Variants in RPS6KA5 observed in about 807,000 individuals in gnomAD.
RPS6KA5 encodes the protein ribosomal protein S6 kinase alpha-5.
Under a neutral mutation model 85.5 loss-of-function variants are expected in RPS6KA5, and 27 were observed. The ratio of observed to expected loss-of-function variants is 0.32; its 90% CI spans 0.23 to 0.44. The LOEUF (loss-of-function observed/expected upper bound fraction) is 0.44. Among genes scored for constraint, RPS6KA5 ranks in the 20% least tolerant of loss-of-function variants. RPS6KA5 has a pLI of 1.00. For missense variants in RPS6KA5, 811 were observed against 980.9 expected (o/e 0.83, Z 2.31); for synonymous variants, 334 against 348.2 (o/e 0.96, Z 0.46).
intron 3 of RPS6KA5, among the ~76,000 whole-genome samples, chr14:90,951,437 T>C (rs1208972827): frequency 1.3e-5 from 2 of 151,964 alleles, no homozygotes; most frequent in African/African-American, 4.8e-5. Flanking sequence ...AGTGAGCCAC[T>C]GCACTCCAGC....
chr14:91,035,847 CAAAAAAAAAAAA>C (rs199625173), intron 1 of RPS6KA5, among the ~76,000 whole-genome samples: 867 of 69,310 alleles, frequency 0.013, 3 homozygotes, highest in Non-Finnish European at 0.018. Flanking sequence ...CCCTCACCTT[CAAAAAAAAAAAA>C]AAAAAAAAAA....
chr14:90,948,603 G>A (rs935232428), intron 3 of RPS6KA5, among the ~76,000 whole-genome samples: 1 of 152,062 alleles, frequency 6.6e-6, no homozygotes, highest in Admixed American at 6.5e-5. Flanking sequence ...GCTGAGGCAG[G>A]AGAATGGCAT....
rs1345378126 is a variant in RPS6KA5, at chr14:90,969,684, C to T, written c.394+8622G>A. On this transcript the variant is annotated intron_variant, in intron 3 of 16. Transcript: ENST00000614987. ...TGCTTTCACTCTCCAAACACCCAAA[C>T]ACCTACTTATTTCCAGTAATACTCT... Among the ~76,000 whole-genome samples the T allele has an allele frequency of 2.6e-5, 4 of 152,182 alleles. No individual in the cohort carries two copies. In the East Asian group the frequency reaches 5.8e-4, roughly 22 times the overall value.
rs778160536 is a variant in RPS6KA5, at chr14:90,900,622, C to A, written c.1234G>T (p.Ala412Ser). 2 of 1,613,488 alleles carry A rather than the reference C, an allele frequency of 1.2e-6. No homozygotes were observed. The highest frequency in any genetic ancestry group is 1.7e-5 in the Admixed American group (1 of 59,948). The change falls in exon 10 of 17, where the codon GCA becomes TCA. Residue 412 changes from alanine to serine, a missense_variant. Around this residue, in one of 3 missense-constraint regions of RPS6KA5, gnomAD observed 650 missense variants for 793.4 expected, o/e 0.82. Coordinates refer to ENST00000614987, the MANE Select transcript of RPS6KA5 (RefSeq NM_004755.4). ...CCACATCTATATACCTTCATCATTGCACTCCTGGCAACATTTGTCACTCCA... is the reference window on the plus strand; with the variant it reads ...CCACATCTATATACCTTCATCATTGAACTCCTGGCAACATTTGTCACTCCA... Reference protein sequence around the residue: ...RPGVTNVARSAMMKDSPFYQH... With the variant: ...RPGVTNVARSSMMKDSPFYQH...
intron 12 of RPS6KA5, among the ~76,000 whole-genome samples, chr14:90,894,959 G>A (rs118042758): frequency 6.6e-6 from 1 of 152,276 alleles, no homozygotes; most frequent in Non-Finnish European, 1.5e-5. Context: ...TGGGGCTATA[G>A]GTGTGCAATT....
intron 3 of RPS6KA5, among the ~76,000 whole-genome samples, chr14:90,955,858 T>C (rs1458592021): frequency 6.6e-6 from 1 of 152,218 alleles, no homozygotes; most frequent in Admixed American, 6.5e-5. Flanking sequence ...TTTCTTTCAG[T>C]TTTTGCTTTA....
intron 3 of RPS6KA5, among the ~76,000 whole-genome samples, chr14:90,950,608 T>C (rs1428350220): frequency 6.6e-6 from 1 of 152,228 alleles, no homozygotes; most frequent in Non-Finnish European, 1.5e-5. Flanking sequence ...AGTTGAATTT[T>C]GGCAAATACT....
chr14:91,015,939 C>T (rs1031550657), intron 1 of RPS6KA5, among the ~76,000 whole-genome samples: 12 of 152,184 alleles, frequency 7.9e-5, no homozygotes, highest in Non-Finnish European at 1.6e-4. Context: ...TTTCTTACCT[C>T]ATTCTAACTG....
At chr14:90,912,539 G>T (rs2035883931) in intron 7 of RPS6KA5, among the ~76,000 whole-genome samples, 1 of 152,154 alleles carries the variant, frequency 6.6e-6, no homozygotes, top group African/African-American at 2.4e-5. Flanking sequence ...GGGTTCTGAG[G>T]ATTCCAGAAT....
chr14:90,929,277 C>A (rs2140313920), intron 5 of RPS6KA5, among the ~76,000 whole-genome samples: 1 of 152,040 alleles, frequency 6.6e-6, no homozygotes, highest in East Asian at 1.9e-4. Context: ...TAACCATCCC[C>A]AAACACACAG....
At chr14:90,968,294 TCCTC>T (rs796642520) in intron 3 of RPS6KA5, among the ~76,000 whole-genome samples, 25 of 152,066 alleles carry the variant, frequency 1.6e-4, no homozygotes, top group African/African-American at 5.3e-4. Flanking sequence ...CCCTCCTCTC[TCCTC>T]CCTCCCTCCC....
intron 1 of RPS6KA5, among the ~76,000 whole-genome samples, chr14:91,052,007 C>T (rs892129995): frequency 1.1e-4 from 17 of 151,996 alleles, no homozygotes; most frequent in African/African-American, 3.9e-4. Flanking sequence ...CTTTAATGCT[C>T]GTAAATACTT....
At chr14:90,984,990 G>A (rs1320745686) in intron 2 of RPS6KA5, among the ~76,000 whole-genome samples, 1 of 151,238 alleles carries the variant, frequency 6.6e-6, no homozygotes, top group Admixed American at 6.6e-5. Context: ...GCCCAGGCTG[G>A]AGTGCAATGG....
Position 90,935,645 on chromosome 14 carries a change from T to C in RPS6KA5, c.618+7433A>G, listed in dbSNP as rs1199761257. On this transcript the variant is annotated intron_variant, in intron 5 of 16. Coordinates refer to ENST00000614987, the MANE Select transcript of RPS6KA5 (RefSeq NM_004755.4). ...AATCAATAAATAACATTATCTGAATTGAGCAAGGTTAGATTTTTCTACTTC... is the reference window on the plus strand; with the variant it reads ...AATCAATAAATAACATTATCTGAATCGAGCAAGGTTAGATTTTTCTACTTC... Among the ~76,000 whole-genome samples the C allele has an allele frequency of 3.3e-5, 5 of 152,300 alleles. No homozygotes were observed. In the South Asian group the frequency reaches 8.3e-4, roughly 25 times the overall value.
intron 1 of RPS6KA5, among the ~76,000 whole-genome samples, chr14:91,023,761 G>T (rs7151354): frequency 6.6e-6 from 1 of 151,704 alleles, no homozygotes; most frequent in African/African-American, 2.4e-5. Context: ...CTATCCTTCC[G>T]TTTATAATTT....
chr14:90,909,900 C>T (rs1424668133), intron 7 of RPS6KA5, among the ~76,000 whole-genome samples: 1 of 152,068 alleles, frequency 6.6e-6, no homozygotes, highest in Non-Finnish European at 1.5e-5. Flanking sequence ...CTCAGCTTCC[C>T]GGGTAGCTGG....
intron 14 of RPS6KA5, among the ~76,000 whole-genome samples, chr14:90,880,327 G>T (rs746095749): frequency 6.6e-6 from 1 of 151,976 alleles, no homozygotes; most frequent in Non-Finnish European, 1.5e-5. Flanking sequence ...TTTACTTTCT[G>T]TCTCTATGAT....
intron 1 of RPS6KA5, among the ~76,000 whole-genome samples, chr14:91,045,360 G>T (rs916054736): frequency 8.6e-5 from 13 of 151,594 alleles, no homozygotes; most frequent in Admixed American, 6.6e-4. Flanking sequence ...TGTGTCCCAG[G>T]TTCAAGCAAT....
rs2034401486 is a variant in RPS6KA5 at position 90,889,077 on chromosome 14, CGA to C, written c.1836+1408_1836+1409del. Reference sequence around the variant, plus strand: ...GGGAGGCCAAGGCAGGCGGATCACCCGAGGTCAGGAGTTTGAGACCAGCCTGA... The same window carrying C: ...GGGAGGCCAAGGCAGGCGGATCACCCGGTCAGGAGTTTGAGACCAGCCTGA... On this transcript the variant is annotated intron_variant, in intron 14 of 16. Coordinates refer to ENST00000614987, the MANE Select transcript of RPS6KA5 (RefSeq NM_004755.4). Among the ~76,000 whole-genome samples the C allele has an allele frequency of 1.3e-5, 2 of 151,938 alleles. 1 individual carries two copies. The highest frequency in any genetic ancestry group is 4.2e-4 in the South Asian group (2 of 4,818).
Sources: gnomAD v4.1 joint callset for allele counts (sites outside exome capture counted in the v4.1 genomes callset) on GRCh38, gnomAD v4.1.1 for gene constraint, gnomAD v4.1.1 regional missense constraint, MANE v1.5 for transcripts, NCBI Gene and HGNC (gene_info 2026-07-23, HGNC 2026-07-21) for gene names.